CETN3: variants seen among roughly 807,000 people sequenced by gnomAD.
CETN3 encodes the protein centrin 3, also known as centrin-3.
A neutral mutation model predicts 20.1 loss-of-function variants in CETN3; 17 were observed. The ratio of observed to expected loss-of-function variants is 0.85; its 90% CI spans 0.58 to 1.27. The LOEUF (loss-of-function observed/expected upper bound fraction) is 1.27. Ranked by LOEUF, CETN3 falls within the 50% of genes most tolerant of loss-of-function variation. The pLI is 0.00. For missense variants in CETN3, 169 were observed against 191.2 expected (o/e 0.88, Z 0.69); for synonymous variants, 52 against 59.7 (o/e 0.87, Z 0.59).
At chr5:90,398,691 GCTTTGAACTTTA>G (rs1371517261) in intron 4 of CETN3, among the ~76,000 whole-genome samples, 1 of 152,202 alleles carries the variant, frequency 6.6e-6, no homozygotes, top group African/African-American at 2.4e-5. Flanking sequence ...ATCATAGAAG[GCTTTGAACTTTA>G]CTCTGTAGGC....
chr5:90,396,587 A>T, intron 4 of CETN3: 3 of 1,490,638 alleles, frequency 2.0e-6, no homozygotes, highest in Non-Finnish European at 2.7e-6. Context: ...AAAAAACATA[A>T]AACAGCCTTA....
Position 90,407,752 on chromosome 5 carries a change from A to G in CETN3, c.100T>C (p.Phe34Leu). 1 of 1,596,870 alleles carries G rather than the reference A, an allele frequency of 6.3e-7. No individual in the cohort carries two copies. The highest frequency in any genetic ancestry group is 8.6e-7 in the Non-Finnish European group (1 of 1,167,574). The change falls in exon 2 of 5, where the codon TTT becomes CTT. Residue 34 changes from phenylalanine (F) to leucine (L), a missense_variant. Coordinates refer to ENST00000283122, the MANE Select transcript of CETN3 (RefSeq NM_004365.4). ...EEQKQEIKDA[F>L]ELFDTDKDEA... Reference sequence around the variant, plus strand: ...TCTTTGTCTGTATCAAATAGTTCAAAAGCATCTTTAATTTCTTGTTTCTGT... The same window carrying G: ...TCTTTGTCTGTATCAAATAGTTCAAGAGCATCTTTAATTTCTTGTTTCTGT...
chr5:90,396,425 T>C, intron 4 of CETN3: 1 of 1,492,394 alleles, frequency 6.7e-7, no homozygotes, highest in East Asian at 2.5e-5. Flanking sequence ...AAAGCTATGA[T>C]CCCTCTCTCT....
At chr5:90,403,875 GAAAA>G (rs60385437) in intron 3 of CETN3, among the ~76,000 whole-genome samples, 7 of 86,734 alleles carry the variant, frequency 8.1e-5, no homozygotes, top group East Asian at 7.1e-4. Context: ...TGTCTCAAAA[GAAAA>G]AAAAAAAAAA....
intron 4 of CETN3, among the ~76,000 whole-genome samples, chr5:90,394,740 T>C (rs1749100111): frequency 6.6e-6 from 1 of 151,940 alleles, no homozygotes; most frequent in Non-Finnish European, 1.5e-5. Context: ...ACTATATAGA[T>C]GTAAAGGCAG....
chr5:90,402,393 G>A (rs976279411), intron 3 of CETN3, among the ~76,000 whole-genome samples: 2 of 152,106 alleles, frequency 1.3e-5, no homozygotes, highest in African/African-American at 4.8e-5. Context: ...TATGTTTCCA[G>A]TCATTTCCCT....
In CETN3 at chr5:90,407,937, GAGAA is replaced by G. The variant is rs985721431; in HGVS notation, c.18-107_18-104del. Reference sequence around the variant, plus strand: ...AAATTTCAAAAAAGAAAGTACTTTGGAGAAAGATAGGGAAACTTTCCCTTTATGA... The same window carrying G: ...AAATTTCAAAAAAGAAAGTACTTTGGAGATAGGGAAACTTTCCCTTTATGA... On this transcript the variant is annotated intron_variant, in intron 1 of 4. Coordinates refer to ENST00000283122, the MANE Select transcript of CETN3 (RefSeq NM_004365.4). 7.2e-5 allele frequency: 70 copies of G among 967,596 alleles called. No individual in the cohort carries two copies. In the African/African-American group the frequency reaches 1.1e-3, roughly 15 times the overall value. The allele number at this position is 967,596 out of a possible 1,614,324, so 59.9% of individuals were successfully genotyped here. A position where few individuals can be genotyped will look rare whatever the true frequency, so the allele number is the denominator to read the frequency against.
Position 90,394,087 on chromosome 5 carries a change from C to T in CETN3, c.481G>A (p.Ala161Thr). ...DGEINQEEFIAIMTGDI is the reference protein window; with the variant it reads ...DGEINQEEFITIMTGDI ...CTTTAAATGTCACCAGTCATAATAGCAATGAACTCCTCTTGGTTTACTGTG... is the reference window on the plus strand; with the variant it reads ...CTTTAAATGTCACCAGTCATAATAGTAATGAACTCCTCTTGGTTTACTGTG... Residue 161 changes from alanine to threonine, a missense_variant, in exon 5 of 5, where the codon GCT becomes ACT. By Grantham distance (58) the Ala-to-Thr change is moderately conservative. Coordinates refer to ENST00000283122, the MANE Select transcript of CETN3 (RefSeq NM_004365.4). 1 of 1,552,754 alleles carries T rather than the reference C, an allele frequency of 6.4e-7. No homozygotes were observed. Among genetic ancestry groups the T allele is most frequent in the Non-Finnish European group, 8.8e-7 (1 of 1,133,348 alleles).
rs76414109 is a variant in CETN3, at chr5:90,404,981, G to A, written c.268+704C>T. 6.6e-5 allele frequency among the ~76,000 whole-genome samples: 10 copies of A among 151,882 alleles called. No individual in the cohort carries two copies. The East Asian group carries it at 1.9e-3, about 29-fold the overall frequency. Reference sequence around the variant, plus strand: ...CTTGCCTTCCGGACTCTTCTATTTTGAAAAAGCCTGGTCTATATATGCTAT... The same window carrying A: ...CTTGCCTTCCGGACTCTTCTATTTTAAAAAAGCCTGGTCTATATATGCTAT... On this transcript the variant is annotated intron_variant, in intron 3 of 4. Coordinates refer to ENST00000283122, the MANE Select transcript of CETN3 (RefSeq NM_004365.4).
At chr5:90,408,585 T>A (rs1340302158) in intron 1 of CETN3, among the ~76,000 whole-genome samples, 1 of 152,122 alleles carries the variant, frequency 6.6e-6, no homozygotes, top group Non-Finnish European at 1.5e-5. Flanking sequence ...CTGGAAACGC[T>A]TAAAGAAAAA....
At chr5:90,405,848 G>T in intron 2 of CETN3, 49 bp from the exon 3 acceptor site, 3 of 1,128,612 alleles carry the variant, frequency 2.7e-6, no homozygotes, top group Non-Finnish European at 1.3e-6. Flanking sequence ...CTTTACAAAA[G>T]AATTTCTAAT....
intron 1 of CETN3, among the ~76,000 whole-genome samples, chr5:90,409,301 G>C (rs968274982): frequency 6.6e-6 from 1 of 152,144 alleles, no homozygotes; most frequent in African/African-American, 2.4e-5. Context: ...CCAGGCACAC[G>C]GATGAATGAA....
chr5:90,409,542 A>G, intron 1 of CETN3, 103 bp downstream of exon 1: 1 of 1,399,382 alleles, frequency 7.1e-7, no homozygotes, highest in South Asian at 1.2e-5. Flanking sequence ...CCCAAACTAC[A>G]TCCCCTGCCT....
At chr5:90,405,887 C>T in intron 2 of CETN3, 88 bp from the exon 3 acceptor site, 1 of 761,986 alleles carries the variant, frequency 1.3e-6, no homozygotes, top group South Asian at 1.6e-5. Context: ...TAAGAGATGA[C>T]AACACATTAA....
At chr5:90,407,624 AAATGT>A (rs1211528098) in intron 2 of CETN3, 70 bp downstream of exon 2, 68 of 1,035,184 alleles carry the variant, frequency 6.6e-5, no homozygotes, top group Non-Finnish European at 7.2e-5. Context: ...AATTATTTAG[AAATGT>A]AATGTAAAGC....
intron 4 of CETN3, among the ~76,000 whole-genome samples, chr5:90,397,413 T>C (rs900012191): frequency 6.6e-6 from 1 of 152,146 alleles, no homozygotes; most frequent in African/African-American, 2.4e-5. Flanking sequence ...TATGACACTT[T>C]GTTTCCTTTT....
rs1442617086 is a variant in CETN3, at chr5:90,399,314, T to C, written c.460+44A>G. The C allele has an allele frequency of 3.2e-6, 5 of 1,580,062 alleles. No homozygotes were observed. The South Asian group carries it at 5.5e-5, about 18-fold the overall frequency. ...GTTTTAGAAAAATGTATTACATGTG[T>C]AGCATCAGGAAAACCTGGAAAATAC... On this transcript the variant is annotated intron_variant, in intron 4 of 4. Coordinates refer to ENST00000283122, the MANE Select transcript of CETN3 (RefSeq NM_004365.4).
intron 4 of CETN3, chr5:90,396,490 C>T (rs1175477502): frequency 6.5e-7 from 1 of 1,530,784 alleles, no homozygotes; most frequent in East Asian, 2.5e-5. Context: ...AGCCAGTGTG[C>T]ACCTTCACTG....
At chr5:90,405,907 A>G in intron 2 of CETN3, 108 bp from the exon 3 acceptor site, 1 of 691,740 alleles carries the variant, frequency 1.4e-6, no homozygotes, top group Non-Finnish European at 2.4e-6. Flanking sequence ...ATAAAATATA[A>G]CTTTTTTGCA....
Sources: gnomAD v4.1 joint callset for allele counts (sites outside exome capture counted in the v4.1 genomes callset) on GRCh38, gnomAD v4.1.1 for gene constraint, MANE v1.5 for transcripts, NCBI Gene and HGNC (gene_info 2026-07-23, HGNC 2026-07-21) for gene names.